The following BTBD9 variants were observed in gnomAD, a reference collection of about 807,000 sequenced individuals.
The protein encoded by BTBD9 is BTB/POZ domain-containing protein 9.
In BTBD9, 49 loss-of-function variants were observed where a neutral mutation model predicts 64.3. The observed-to-expected ratio is 0.76, with a 90% CI of 0.61 to 0.97. The LOEUF is 0.97. BTBD9 is among the 50% of genes least tolerant of loss of function. BTBD9 has a pLI of 0.00. For synonymous variants in BTBD9, 260 were observed against 274.7 expected, an observed-to-expected ratio of 0.95 and a Z score of 0.53; for missense variants, 598 against 762.1, an observed-to-expected ratio of 0.78 and a Z score of 2.53.
chr6:38,471,700 T>C (rs556178577), intron 6 of BTBD9, among the ~76,000 whole-genome samples: 1 of 152,198 alleles, frequency 6.6e-6, no homozygotes, highest in Non-Finnish European at 1.5e-5. Context: ...TGAAGTTTGC[T>C]CAAAATGATC....
chr6:38,496,655 TAA>T (rs951014301), intron 6 of BTBD9, among the ~76,000 whole-genome samples: 45 of 125,068 alleles, frequency 3.6e-4, no homozygotes, highest in Admixed American at 4.8e-4. Context: ...CCCTGTCTCT[TAA>T]AAAAAAAAAA....
At chr6:38,318,098 T>G (rs1763093373) in intron 7 of BTBD9, among the ~76,000 whole-genome samples, 1 of 152,184 alleles carries the variant, frequency 6.6e-6, no homozygotes, top group Non-Finnish European at 1.5e-5. Flanking sequence ...TTTCACCATG[T>G]TGGCCAGGCT....
chr6:38,203,660 C>T (rs954657797), intron 9 of BTBD9, among the ~76,000 whole-genome samples: 1 of 152,004 alleles, frequency 6.6e-6, no homozygotes, highest in Admixed American at 6.6e-5. Context: ...GAAAGACAAA[C>T]CCCACATGTT....
intron 6 of BTBD9, among the ~76,000 whole-genome samples, chr6:38,457,774 T>C (rs1022957636): frequency 2.6e-5 from 4 of 152,168 alleles, no homozygotes; most frequent in Non-Finnish European, 5.9e-5. Context: ...GAGTTCAGGA[T>C]GAATCTCTTA....
intron 6 of BTBD9, among the ~76,000 whole-genome samples, chr6:38,432,818 C>A (rs972075660): frequency 9.9e-5 from 15 of 151,864 alleles, no homozygotes; most frequent in African/African-American, 3.4e-4. Flanking sequence ...CCTGTGCCCA[C>A]CAAACTATCC....
At chr6:38,381,798 AC>A (rs1332895024) in intron 6 of BTBD9, among the ~76,000 whole-genome samples, 2 of 152,122 alleles carry the variant, frequency 1.3e-5, no homozygotes, top group Non-Finnish European at 2.9e-5. Flanking sequence ...ATACATACAC[AC>A]CTTAAAAATA....
At chr6:38,587,941 T>TCC in intron 4 of BTBD9, 1 of 725,908 alleles carries the variant, frequency 1.4e-6, no homozygotes, top group South Asian at 1.4e-5. Flanking sequence ...CAGAAGACTG[T>TCC]TCAGGAACAT....
intron 6 of BTBD9, among the ~76,000 whole-genome samples, chr6:38,529,956 G>C (rs1009211162): frequency 5.3e-5 from 8 of 152,186 alleles, no homozygotes; most frequent in Non-Finnish European, 1.2e-4. Flanking sequence ...TTCTTGCAGA[G>C]AGCCTATAAA....
intron 7 of BTBD9, among the ~76,000 whole-genome samples, chr6:38,303,648 T>C (rs1434169650): frequency 6.6e-6 from 1 of 151,798 alleles, no homozygotes; most frequent in African/African-American, 2.4e-5. Flanking sequence ...CTAATTCAAT[T>C]AGAGCATCAA....
chr6:38,363,433 G>T lies in BTBD9; in HGVS notation c.1155-18340C>A, dbSNP rs80312833. On this transcript the variant is annotated intron_variant, in intron 6 of 10. Coordinates refer to ENST00000481247, the MANE Select transcript of BTBD9 (RefSeq NM_001099272.2). ...AAACTAACAAAAACCTAAACAATTA[G>T]TTGAGCATGGTGGTGCACACCTGTA... Among the ~76,000 whole-genome samples, 10 of 152,318 alleles carry T rather than the reference G, an allele frequency of 6.6e-5. No individual in the cohort carries two copies. The East Asian group carries it at 1.9e-3, about 29-fold the overall frequency.
At chr6:38,583,360 G>A (rs1582670563) in intron 4 of BTBD9, among the ~76,000 whole-genome samples, 1 of 152,266 alleles carries the variant, frequency 6.6e-6, no homozygotes, top group East Asian at 1.9e-4. Context: ...TTAGCCAGGT[G>A]TGGTGGCATG....
intron 6 of BTBD9, among the ~76,000 whole-genome samples, chr6:38,428,422 G>A (rs1371651552): frequency 4.2e-5 from 6 of 143,220 alleles, no homozygotes; most frequent in Non-Finnish European, 9.0e-5. Flanking sequence ...CTAAAACTAC[G>A]TTCTCTGTTG....
chr6:38,530,625 A>G (rs1168465277), intron 6 of BTBD9, among the ~76,000 whole-genome samples: 2 of 97,242 alleles, frequency 2.1e-5, no homozygotes, highest in Non-Finnish European at 5.9e-5. Flanking sequence ...AATACTCACA[A>G]AACAAACTAA....
chr6:38,306,029 G>T (rs983427624), intron 7 of BTBD9, among the ~76,000 whole-genome samples: 1 of 152,170 alleles, frequency 6.6e-6, no homozygotes, highest in African/African-American at 2.4e-5. Flanking sequence ...AATAAGTTCT[G>T]TGGTCTTTCT....
intron 9 of BTBD9, among the ~76,000 whole-genome samples, chr6:38,210,085 G>C (rs1301659802): frequency 1.3e-5 from 2 of 151,990 alleles, no homozygotes; most frequent in African/African-American, 4.8e-5. Flanking sequence ...AGGGGAAGGG[G>C]GTGTTTTAAT....
intron 6 of BTBD9, among the ~76,000 whole-genome samples, chr6:38,540,529 A>G (rs1210671787): frequency 6.6e-6 from 1 of 152,258 alleles, no homozygotes; most frequent in Non-Finnish European, 1.5e-5. Context: ...AATCATGTCC[A>G]TCTTAAGATG....
intron 6 of BTBD9, among the ~76,000 whole-genome samples, chr6:38,560,131 A>C (rs1166731898): frequency 3.3e-5 from 5 of 152,202 alleles, no homozygotes; most frequent in Non-Finnish European, 7.4e-5. Flanking sequence ...CAGAATAAAC[A>C]ACCCACAGAA....
chr6:38,394,240 G>A (rs984408128), intron 6 of BTBD9, among the ~76,000 whole-genome samples: 3 of 152,184 alleles, frequency 2.0e-5, no homozygotes, highest in Non-Finnish European at 2.9e-5. Context: ...TAAGTACTAC[G>A]AAAGGAGAAA....
At chr6:38,264,098 C>T (rs913349717) in intron 8 of BTBD9, among the ~76,000 whole-genome samples, 2 of 152,044 alleles carry the variant, frequency 1.3e-5, no homozygotes, top group Admixed American at 6.6e-5. Flanking sequence ...CTGTGGTGTA[C>T]GGTGGCAAGG....
Sources: allele counts gnomAD v4.1 joint callset (sites outside exome capture counted in the v4.1 genomes callset), GRCh38; gene constraint gnomAD v4.1.1; transcripts MANE v1.5; gene names NCBI Gene and HGNC (gene_info 2026-07-23, HGNC 2026-07-21).